SH3RF3: variants seen among roughly 807,000 people sequenced by gnomAD.
SH3RF3 encodes SH3 domain containing ring finger 3.
Under a neutral mutation model 66.3 loss-of-function variants are expected in SH3RF3, and 29 were observed. The observed-to-expected ratio is 0.44, with a 90% CI of 0.33 to 0.60. SH3RF3 has a LOEUF of 0.60. Among genes scored for constraint, SH3RF3 ranks in the 20% least tolerant of loss-of-function variants. SH3RF3 has a pLI of 0.04. For synonymous variants in SH3RF3, 583 were observed against 532.0 expected, an observed-to-expected ratio of 1.10 and a Z score of -1.32; for missense variants, 1,194 against 1,190.9, an observed-to-expected ratio of 1.00 and a Z score of -0.04.
At chr2:109,452,950 G>A (rs565019033) in intron 8 of SH3RF3, among the ~76,000 whole-genome samples, 1 of 150,490 alleles carries the variant, frequency 6.6e-6, no homozygotes, top group South Asian at 2.1e-4. Context: ...GGTGCCGGGA[G>A]GCTGGTCCCT....
At chr2:109,266,158 T>TGTGTATG (rs2105304810) in intron 1 of SH3RF3, among the ~76,000 whole-genome samples, 1 of 151,754 alleles carries the variant, frequency 6.6e-6, no homozygotes, top group East Asian at 1.9e-4. Context: ...CTGTGTGTGT[T>TGTGTATG]GTGTATGGTG....
At chr2:109,197,618 G>C (rs1678537619) in intron 1 of SH3RF3, among the ~76,000 whole-genome samples, 1 of 152,174 alleles carries the variant, frequency 6.6e-6, no homozygotes, top group South Asian at 2.1e-4. Flanking sequence ...CTCTGCAGTT[G>C]CTGTTTTGAG....
At chr2:109,396,934 TC>T (rs1302645676) in intron 3 of SH3RF3, among the ~76,000 whole-genome samples, 1 of 152,216 alleles carries the variant, frequency 6.6e-6, no homozygotes, top group Non-Finnish European at 1.5e-5. Context: ...CCTCTTCCTT[TC>T]TGAATCCTGT....
At chr2:109,301,259 C>T (rs905057119) in intron 1 of SH3RF3, among the ~76,000 whole-genome samples, 13 of 151,648 alleles carry the variant, frequency 8.6e-5, no homozygotes, top group African/African-American at 2.7e-4. Context: ...GACTTTCTCC[C>T]GTGTGGCCAC....
chr2:109,206,760 G>A (rs527761096), intron 1 of SH3RF3, among the ~76,000 whole-genome samples: 30 of 151,370 alleles, frequency 2.0e-4, no homozygotes, highest in African/African-American at 7.3e-4. Context: ...AGGTTACAGT[G>A]AGCTATGATT....
chr2:109,261,777 A>G (rs953432147), intron 1 of SH3RF3, among the ~76,000 whole-genome samples: 1 of 152,172 alleles, frequency 6.6e-6, no homozygotes, highest in Non-Finnish European at 1.5e-5. Context: ...ATGGATTTAT[A>G]CAGTGTTTGG....
chr2:109,421,123 G>A (rs1676864843), intron 5 of SH3RF3, among the ~76,000 whole-genome samples: 1 of 152,182 alleles, frequency 6.6e-6, no homozygotes, highest in Non-Finnish European at 1.5e-5. Context: ...GAAAAGTGGG[G>A]GGTGATGGGG....
intron 1 of SH3RF3, among the ~76,000 whole-genome samples, chr2:109,313,966 G>A (rs1254312794): frequency 1.3e-5 from 2 of 152,214 alleles, no homozygotes; most frequent in Non-Finnish European, 2.9e-5. Context: ...GCACAAGACA[G>A]TTGAAGGCTT....
chr2:109,387,349 C>T (rs1486047241), intron 3 of SH3RF3, among the ~76,000 whole-genome samples: 1 of 152,194 alleles, frequency 6.6e-6, no homozygotes, highest in Non-Finnish European at 1.5e-5. Context: ...TCCGGTTCCC[C>T]ATCTCAGGGG....
At position 109,148,753 on chromosome 2, in the gene SH3RF3, G is replaced by A. The variant is rs1205741245; in HGVS notation, c.573+18640G>A. The stretch of plus-strand genomic sequence containing the variant: ...TTGAGTTCTGAAGTTACTGGGGCTC[G>A]GTCATAGACAGATGCTTGTTTAGCA... On this transcript the variant is annotated intron_variant, in intron 1 of 9. Coordinates refer to ENST00000309415, the MANE Select transcript of SH3RF3 (RefSeq NM_001099289.3). 5.3e-5 allele frequency among the ~76,000 whole-genome samples: 8 copies of A among 152,304 alleles called. No individual in the cohort carries two copies. In the South Asian group the frequency reaches 6.2e-4, roughly 12 times the overall value.
chr2:109,381,530 C>T (rs1675669514), intron 3 of SH3RF3, among the ~76,000 whole-genome samples: 1 of 152,102 alleles, frequency 6.6e-6, no homozygotes, highest in Non-Finnish European at 1.5e-5. Flanking sequence ...GCGTGGCCAT[C>T]ACGGTGCCCT....
At chr2:109,183,881 C>T (rs1287869909) in intron 1 of SH3RF3, among the ~76,000 whole-genome samples, 2 of 152,192 alleles carry the variant, frequency 1.3e-5, no homozygotes, top group Non-Finnish European at 2.9e-5. Flanking sequence ...GGCATTGTCC[C>T]AAGGAAAGTG....
At chr2:109,493,748 C>T (rs1679187855) in intron 9 of SH3RF3, among the ~76,000 whole-genome samples, 1 of 152,126 alleles carries the variant, frequency 6.6e-6, no homozygotes, top group East Asian at 1.9e-4. Context: ...TGCAGACACA[C>T]ACACTGCACA....
In SH3RF3 at chr2:109,371,496, G is replaced by A. The variant is rs1004444511; in HGVS notation, c.850-90G>A. ...GAACTCATTCCTTGGAATCTCTTCC[G>A]AGCCTCCACAGTACTAACCAGTGTC... On this transcript the variant is annotated intron_variant, in intron 2 of 9. Transcript: ENST00000309415. 3.4e-5 allele frequency: 35 copies of A among 1,035,022 alleles called. No individual in the cohort carries two copies. The African/African-American group carries it at 4.1e-4, about 12-fold the overall frequency. The allele number at this position is 1,035,022 out of a possible 1,614,324, so 64.1% of individuals were successfully genotyped here.
chr2:109,155,986 A>G (rs559324422), intron 1 of SH3RF3, among the ~76,000 whole-genome samples: 1 of 152,304 alleles, frequency 6.6e-6, no homozygotes, highest in East Asian at 1.9e-4. Context: ...CTCTGCAGGG[A>G]TTCTCTGGGG....
chr2:109,385,081 A>C (rs895128797), intron 3 of SH3RF3, among the ~76,000 whole-genome samples: 1 of 151,974 alleles, frequency 6.6e-6, no homozygotes, highest in Non-Finnish European at 1.5e-5. Context: ...CTGTCCCTTC[A>C]TCTGTCCCTT....
intron 2 of SH3RF3, among the ~76,000 whole-genome samples, chr2:109,370,530 C>T (rs1414565923): frequency 1.3e-5 from 2 of 152,152 alleles, no homozygotes; most frequent in Admixed American, 6.5e-5. Context: ...TGAGCCACCG[C>T]GCCCGGCCAT....
chr2:109,466,563 A>C (rs1396485377), intron 8 of SH3RF3, among the ~76,000 whole-genome samples: 1 of 152,182 alleles, frequency 6.6e-6, no homozygotes. Context: ...TCTGTTTCAG[A>C]GCACAAGTTG....
At chr2:109,447,837 T>C (rs1677752732) in intron 7 of SH3RF3, among the ~76,000 whole-genome samples, 1 of 152,234 alleles carries the variant, frequency 6.6e-6, no homozygotes, top group African/African-American at 2.4e-5. Context: ...TTGCAATCCC[T>C]AACATCTTTA....
Sources: gnomAD v4.1 joint callset for allele counts (sites outside exome capture counted in the v4.1 genomes callset) on GRCh38, gnomAD v4.1.1 for gene constraint, MANE v1.5 for transcripts, NCBI Gene and HGNC (gene_info 2026-07-23, HGNC 2026-07-21) for gene names.